Variants in CDC42BPA observed in about 807,000 individuals in gnomAD.
CDC42BPA encodes the protein serine/threonine-protein kinase MRCK alpha.
CDC42BPA carries 80 observed loss-of-function variants against 223.5 expected under a neutral mutation model. The ratio of observed to expected loss-of-function variants is 0.36; its 90% CI spans 0.30 to 0.43. The LOEUF is 0.43. Ranked by LOEUF, CDC42BPA falls within the 20% of genes least tolerant of loss-of-function variation. CDC42BPA has a pLI of 1.00. For synonymous variants in CDC42BPA, 694 were observed against 718.6 expected, an observed-to-expected ratio of 0.97 and a Z score of 0.55; for missense variants, 1,743 against 2,099.9, an observed-to-expected ratio of 0.83 and a Z score of 3.32.
chr1:227,076,113 G>C (rs1181759907), intron 17 of CDC42BPA, among the ~76,000 whole-genome samples: 3 of 151,922 alleles, frequency 2.0e-5, no homozygotes, highest in Non-Finnish European at 4.4e-5. Context: ...GAGAATTACT[G>C]GTTTGGAGGG....
In CDC42BPA at chr1:227,150,862, A is replaced by C. The variant is rs1397762183; in HGVS notation, c.694-3303T>G. Among the ~76,000 whole-genome samples the C allele has an allele frequency of 9.2e-5, 10 of 108,796 alleles. 1 individual carries two copies. In the South Asian group the frequency reaches 3.9e-3, roughly 42 times the overall value. 71.4% of individuals were successfully genotyped at this position (108,796 alleles called of 152,430 possible). ...CACCCACTTTACCTCCCTGAAAAAA[A>C]AAAAAAGAAAAAAAAAAAGAAGTTG... On this transcript the variant is annotated intron_variant, in intron 6 of 36. Transcript: ENST00000366766.
intron 1 of CDC42BPA, among the ~76,000 whole-genome samples, chr1:227,294,867 A>AT (rs1572915579): frequency 1.5e-5 from 1 of 67,060 alleles, no homozygotes; most frequent in East Asian, 4.9e-4. Flanking sequence ...CTCAAAAAAA[A>AT]AAAAAAAAAA....
At position 227,011,652 on chromosome 1, in the gene CDC42BPA, G is replaced by C. The variant is rs560149118; in HGVS notation, c.4857+4428C>G. On this transcript the variant is annotated intron_variant, in intron 34 of 36. Coordinates refer to ENST00000366766, the MANE Select transcript of CDC42BPA (RefSeq NM_001394014.1). The stretch of plus-strand genomic sequence containing the variant: ...TTAGACACCCAAAAAGAACATGTTT[G>C]TTTTCTTAACAAGGTAAAAATCTTC... Among the ~76,000 whole-genome samples the C allele has an allele frequency of 3.3e-5, 5 of 152,186 alleles. No homozygotes were observed. In the South Asian group the frequency reaches 1.0e-3, roughly 32 times the overall value.
rs1483525549 is a variant in CDC42BPA at position 227,119,853 on chromosome 1, T to C, written c.1598A>G (p.Tyr533Cys). Residue 533 changes from tyrosine to cysteine, a missense_variant, in exon 12 of 37, where the codon TAT (tyrosine) becomes TGT (cysteine). Physicochemically the swap from Tyr to Cys is radical, Grantham distance 194 (BLOSUM62 -2). Coordinates refer to ENST00000366766, the MANE Select transcript of CDC42BPA (RefSeq NM_001394014.1). ...LDDAFRQIKA[Y>C]EKQIKTLQQE... ...TTGTAACGTTTTGATTTGTTTTTCA[T>C]AAGCCTTGATTTGTCTAAAAGCATC... 6.2e-7 allele frequency: 1 copy of C among 1,601,200 alleles called. No individual in the cohort carries two copies. Among genetic ancestry groups the C allele is most frequent in the African/African-American group, 1.3e-5 (1 of 74,726 alleles).
intron 5 of CDC42BPA, chr1:227,180,575 GAA>G (rs1667765543): frequency 6.6e-6 from 1 of 152,110 alleles, no homozygotes; most frequent in African/African-American, 2.4e-5. Context: ...ACCACAAACA[GAA>G]TCAAGGTAAG....
chr1:227,214,210 T>G (rs1393952869), intron 2 of CDC42BPA, among the ~76,000 whole-genome samples: 1 of 145,194 alleles, frequency 6.9e-6, no homozygotes, highest in African/African-American at 2.6e-5. Flanking sequence ...TAAATTCAAG[T>G]GCAAAAAAAA....
At chr1:227,238,835 TAAAA>T (rs906623176) in intron 2 of CDC42BPA, among the ~76,000 whole-genome samples, 3 of 151,904 alleles carry the variant, frequency 2.0e-5, no homozygotes, top group Non-Finnish European at 4.4e-5. Context: ...ATGCATAAAA[TAAAA>T]AGAGAGGAAA....
At chr1:227,284,503 G>A (rs909927045) in intron 1 of CDC42BPA, among the ~76,000 whole-genome samples, 2 of 152,136 alleles carry the variant, frequency 1.3e-5, no homozygotes, top group African/African-American at 4.8e-5. Flanking sequence ...CCATCCCCAG[G>A]AGAGGGCCTA....
At chr1:227,043,796 C>T (rs1671865263) in intron 23 of CDC42BPA, among the ~76,000 whole-genome samples, 1 of 152,048 alleles carries the variant, frequency 6.6e-6, no homozygotes, top group Non-Finnish European at 1.5e-5. Flanking sequence ...CTCCCTACTG[C>T]CATAAAAAAT....
chr1:227,062,912 A>C (rs1048916940), intron 21 of CDC42BPA, among the ~76,000 whole-genome samples: 1 of 152,096 alleles, frequency 6.6e-6, no homozygotes, highest in East Asian at 1.9e-4. Flanking sequence ...AAGAGCATGA[A>C]TATCTCAAAA....
intron 2 of CDC42BPA, among the ~76,000 whole-genome samples, chr1:227,232,288 G>A (rs1678128466): frequency 6.6e-6 from 1 of 152,178 alleles, no homozygotes; most frequent in Non-Finnish European, 1.5e-5. Context: ...AGATCAGATT[G>A]TAGATGTGTG....
At chr1:227,262,620 T>C (rs1037444508) in intron 1 of CDC42BPA, among the ~76,000 whole-genome samples, 1 of 152,280 alleles carries the variant, frequency 6.6e-6, no homozygotes, top group East Asian at 1.9e-4. Flanking sequence ...TTAAACCAAA[T>C]TATAGACAAT....
intron 32 of CDC42BPA, among the ~76,000 whole-genome samples, chr1:227,020,744 A>T (rs1485927087): frequency 6.6e-6 from 1 of 152,166 alleles, no homozygotes; most frequent in South Asian, 2.1e-4. Context: ...ACAGCACTTT[A>T]TTTCTTTCAA....
At chr1:227,187,172 G>A (rs545785987) in intron 5 of CDC42BPA, among the ~76,000 whole-genome samples, 1 of 152,210 alleles carries the variant, frequency 6.6e-6, no homozygotes, top group Non-Finnish European at 1.5e-5. Flanking sequence ...TACTAAAAAC[G>A]GGACAGAGAC....
chr1:227,262,703 C>T (rs1684294197), intron 1 of CDC42BPA, among the ~76,000 whole-genome samples: 1 of 152,146 alleles, frequency 6.6e-6, no homozygotes, highest in African/African-American at 2.4e-5. Context: ...ATTTTCACAT[C>T]CGCAATCCCA....
intron 2 of CDC42BPA, among the ~76,000 whole-genome samples, chr1:227,242,118 A>G (rs1214489392): frequency 6.6e-6 from 1 of 152,152 alleles, no homozygotes; most frequent in Non-Finnish European, 1.5e-5. Context: ...TAGTACTGTA[A>G]TATTGGTATA....
chr1:227,028,121 C>CAA (rs10634100), intron 30 of CDC42BPA, among the ~76,000 whole-genome samples: 1,736 of 140,234 alleles, frequency 0.012, 12 homozygotes, highest in Middle Eastern at 0.05. Flanking sequence ...CTCCATCTCT[C>CAA]AAAAAAAAAA....
At chr1:227,301,361 CA>C (rs151113897) in intron 1 of CDC42BPA, among the ~76,000 whole-genome samples, 23,721 of 144,800 alleles carry the variant, frequency 0.16, 2,120 homozygotes, top group East Asian at 0.36. Context: ...AGGATGTAGA[CA>C]TTTTTTTTTT....
chr1:227,192,600 G>A (rs1669903897), intron 5 of CDC42BPA, among the ~76,000 whole-genome samples: 1 of 152,116 alleles, frequency 6.6e-6, no homozygotes, highest in Non-Finnish European at 1.5e-5. Context: ...ACTCTCATTT[G>A]AATGATTAAT....
Sources: gnomAD v4.1 joint callset for allele counts (sites outside exome capture counted in the v4.1 genomes callset) on GRCh38, gnomAD v4.1.1 for gene constraint, MANE v1.5 for transcripts, NCBI Gene and HGNC (gene_info 2026-07-23, HGNC 2026-07-21) for gene names.